Variants in SDK2 observed in about 807,000 individuals in gnomAD.
SDK2 encodes protein sidekick-2.
In SDK2, 105 loss-of-function variants were observed where a neutral mutation model predicts 253.9. That is an observed-to-expected ratio of 0.41 (90% CI 0.35 to 0.49). The LOEUF is 0.49. Ranked by LOEUF, SDK2 falls within the 20% of genes least tolerant of loss-of-function variation. The pLI, the probability that SDK2 is intolerant of heterozygous loss-of-function variation, is 0.06. For missense variants in SDK2, 2,608 were observed against 3,003.0 expected (o/e 0.87, Z 3.07); for synonymous variants, 1,249 against 1,234.9 (o/e 1.01, Z -0.24).
In SDK2 at chr17:73,639,522, G is replaced by A. The variant is rs1261126123; in HGVS notation, c.64+4503C>T. Among the ~76,000 whole-genome samples the A allele has an allele frequency of 6.6e-6, 1 of 152,200 alleles. No individual in the cohort carries two copies. The highest frequency in any genetic ancestry group is 1.5e-5 in the Non-Finnish European group (1 of 68,040). On this transcript the variant is annotated intron_variant, in intron 1 of 44. Transcript: ENST00000392650. This position sits in a 1 kb window ranked among gnomAD's most constrained non-coding sequence, Gnocchi z 4.3. ...TGGGCTGCAGCCGCCAGTTGCTGCT[G>A]GCCCATTTGTTGCTATTGGCATCCC... is the stretch of plus-strand genomic sequence containing the variant.
At chr17:73,600,233 A>G (rs2045818696) in intron 1 of SDK2, among the ~76,000 whole-genome samples, 1 of 152,202 alleles carries the variant, frequency 6.6e-6, no homozygotes, top group Admixed American at 6.5e-5. Context: ...GTTTCCCTCC[A>G]GGAGCCCATG....
In SDK2 at chr17:73,352,757, C is replaced by T; in HGVS notation, c.5594-120G>A. ...CCTGTTGGATCCTCCCTGCTCCACA[C>T]TGAATCGCAGGCCTTGGTCCTCCCT... On this transcript the variant is annotated intron_variant, in intron 40 of 44. Coordinates refer to ENST00000392650, the MANE Select transcript of SDK2 (RefSeq NM_001144952.2). The surrounding 1 kb of genome is among the most constrained non-coding windows in gnomAD (Gnocchi z 4.1). The T allele has an allele frequency of 9.8e-7, 1 of 1,019,850 alleles. No homozygotes were observed. Among genetic ancestry groups the T allele is most frequent in the Non-Finnish European group, 1.4e-6 (1 of 692,818 alleles). 63.2% of individuals were successfully genotyped at this position (1,019,850 alleles called of 1,614,324 possible).
chr17:73,521,082 C>A (rs374380518), intron 1 of SDK2: 7 of 149,212 alleles, frequency 4.7e-5, no homozygotes, highest in African/African-American at 1.7e-4. Context: ...GCTCTGCTGC[C>A]CAGGCGGGAG....
At chr17:73,343,660 A>G (rs2062458495) in intron 44 of SDK2, among the ~76,000 whole-genome samples, 1 of 151,848 alleles carries the variant, frequency 6.6e-6, no homozygotes, top group Non-Finnish European at 1.5e-5. Flanking sequence ...GGGAGCACAG[A>G]CTCCAGGCCT....
chr17:73,514,185 T>C (rs1226875632), intron 1 of SDK2, among the ~76,000 whole-genome samples: 2 of 152,158 alleles, frequency 1.3e-5, no homozygotes, highest in Admixed American at 6.5e-5. Context: ...CATTTAGGCA[T>C]GTCACGTGGC....
At chr17:73,421,819 C>G (rs1011304809) in intron 15 of SDK2, among the ~76,000 whole-genome samples, 1 of 152,108 alleles carries the variant, frequency 6.6e-6, no homozygotes, top group Non-Finnish European at 1.5e-5. Flanking sequence ...CCTCAGCCTC[C>G]TGACGTGCTG....
rs190553328 is a variant in SDK2 at position 73,479,603 on chromosome 17, A to C, written c.225-7385T>G. Among the ~76,000 whole-genome samples, 1,188 of 152,374 alleles carry C rather than the reference A, an allele frequency of 7.8e-3. 12 individuals are homozygous for C. The highest frequency in any genetic ancestry group is 0.027 in the African/African-American group (1,103 of 41,594). ...ATACCATTATGCAATTAACATAATA[A>C]CTATTATTATAATAAATGTCACTGC... On this transcript the variant is annotated intron_variant, in intron 2 of 44. Coordinates refer to ENST00000392650, the MANE Select transcript of SDK2 (RefSeq NM_001144952.2).
At chr17:73,449,558 T>C (rs1363123855) in intron 4 of SDK2, among the ~76,000 whole-genome samples, 1 of 147,824 alleles carries the variant, frequency 6.8e-6, no homozygotes, top group African/African-American at 2.5e-5. Context: ...AGCCAAGCCC[T>C]CCTGCCCCCA....
At chr17:73,359,933 C>A (rs2062627273) in intron 39 of SDK2, among the ~76,000 whole-genome samples, 1 of 152,182 alleles carries the variant, frequency 6.6e-6, no homozygotes, top group South Asian at 2.1e-4. Context: ...TGAACCCCCA[C>A]ACCCGGCTGG....
At chr17:73,424,733 C>A (rs2063265642) in intron 12 of SDK2, among the ~76,000 whole-genome samples, 1 of 152,212 alleles carries the variant, frequency 6.6e-6, no homozygotes, top group Non-Finnish European at 1.5e-5. Context: ...ACACAATGAA[C>A]CCAGGCGAGG....
At chr17:73,641,797 C>A (rs1158600765) in intron 1 of SDK2, among the ~76,000 whole-genome samples, 1 of 152,018 alleles carries the variant, frequency 6.6e-6, no homozygotes, top group Non-Finnish European at 1.5e-5. Flanking sequence ...CTGGAAAAAA[C>A]TCACTCTCTA....
chr17:73,476,870 C>A (rs1000452335), intron 2 of SDK2, among the ~76,000 whole-genome samples: 30 of 151,948 alleles, frequency 2.0e-4, no homozygotes, highest in Non-Finnish European at 3.7e-4. Context: ...GCCCTCTGTA[C>A]CCCTCTGCGA....
intron 1 of SDK2, among the ~76,000 whole-genome samples, chr17:73,515,354 G>A (rs143363661): frequency 2.0e-5 from 3 of 152,304 alleles, no homozygotes; most frequent in Admixed American, 1.3e-4. Flanking sequence ...CAGGGAACTG[G>A]TTTTGACTCC....
intron 41 of SDK2, among the ~76,000 whole-genome samples, chr17:73,351,775 T>C (rs2062540912): frequency 1.3e-5 from 2 of 152,146 alleles, no homozygotes; most frequent in African/African-American, 2.4e-5. Context: ...TGTTTCGGCC[T>C]TGAAGCACTT....
chr17:73,341,602 GC>G (rs1379347526), intron 44 of SDK2, among the ~76,000 whole-genome samples: 1 of 152,174 alleles, frequency 6.6e-6, no homozygotes, highest in Non-Finnish European at 1.5e-5. Context: ...AAGCCAGTTA[GC>G]CCAATCCAGA....
At chr17:73,504,187 T>A (rs2063912234) in intron 2 of SDK2, among the ~76,000 whole-genome samples, 2 of 78,570 alleles carry the variant, frequency 2.5e-5, no homozygotes, top group South Asian at 8.8e-4. Context: ...GATGGAGCAG[T>A]GCGTGCGTGT....
rs1013212280 is a variant in SDK2 at position 73,512,572 on chromosome 17, C to CAT, written c.65-4977_65-4976dup. ...ACATACACACACACACACACACACA[C>CAT]ATACACATACGAAGGAATTTTTTTA... On this transcript the variant is annotated intron_variant, in intron 1 of 44. Transcript: ENST00000392650. Among the ~76,000 whole-genome samples the CAT allele has an allele frequency of 3.3e-5, 5 of 151,948 alleles. 1 individual carries two copies. The highest frequency in any genetic ancestry group is 1.3e-4 in the Admixed American group (2 of 15,262).
At chr17:73,608,301 G>T (rs118110341) in intron 1 of SDK2, among the ~76,000 whole-genome samples, 1 of 152,104 alleles carries the variant, frequency 6.6e-6, no homozygotes, top group South Asian at 2.1e-4. Flanking sequence ...TGGGGAGGAC[G>T]ATCACGGAGG....
At chr17:73,381,781 T>C (rs1416305380) in intron 33 of SDK2, among the ~76,000 whole-genome samples, 1 of 151,914 alleles carries the variant, frequency 6.6e-6, no homozygotes, top group Non-Finnish European at 1.5e-5. Flanking sequence ...GGTGCACGCC[T>C]GTAGGTCCAG....
Sources: gnomAD v4.1 joint callset for allele counts (sites outside exome capture counted in the v4.1 genomes callset) on GRCh38, gnomAD v4.1.1 for gene constraint, Gnocchi (gnomAD v3.1) non-coding constraint, MANE v1.5 for transcripts, NCBI Gene and HGNC (gene_info 2026-07-23, HGNC 2026-07-21) for gene names.